The following FAF1 variants were observed in gnomAD, a reference collection of about 807,000 sequenced individuals.
FAF1 encodes FAS-associated factor 1.
Under a neutral mutation model 92.5 loss-of-function variants are expected in FAF1, and 25 were observed. The ratio of observed to expected loss-of-function variants is 0.27; its 90% CI spans 0.20 to 0.38. The LOEUF is 0.38. FAF1 is among the 10% of genes least tolerant of loss of function. The pLI is 1.00. For synonymous variants in FAF1, 234 were observed against 273.2 expected (o/e 0.86, Z 1.42); for missense variants, 636 against 793.3 (o/e 0.80, Z 2.38).
chr1:50,809,490 CTA>C (rs1662338422), intron 2 of FAF1, among the ~76,000 whole-genome samples: 1 of 152,056 alleles, frequency 6.6e-6, no homozygotes, highest in South Asian at 2.1e-4. Context: ...GAACATCTCT[CTA>C]TGCACAAAGG....
At chr1:50,922,429 A>C (rs1255490441) in intron 1 of FAF1, among the ~76,000 whole-genome samples, 1 of 124,472 alleles carries the variant, frequency 8.0e-6, no homozygotes, top group Non-Finnish European at 1.6e-5. Flanking sequence ...ATTGCACTCC[A>C]GCCTGGGTGA....
chr1:50,894,062 G>C (rs1019165529), intron 1 of FAF1, among the ~76,000 whole-genome samples: 1 of 152,048 alleles, frequency 6.6e-6, no homozygotes, highest in Non-Finnish European at 1.5e-5. Context: ...ACTTTGAGAG[G>C]CCAAGGTGGG....
chr1:50,706,312 T>C (rs1041096064), intron 6 of FAF1, among the ~76,000 whole-genome samples: 1 of 152,132 alleles, frequency 6.6e-6, no homozygotes, highest in Non-Finnish European at 1.5e-5. Context: ...CTATTATTTA[T>C]ATTCATGAAT....
chr1:50,507,137 C>T (rs1299516376), intron 15 of FAF1, among the ~76,000 whole-genome samples: 2 of 152,124 alleles, frequency 1.3e-5, no homozygotes, highest in Non-Finnish European at 2.9e-5. Flanking sequence ...GGACACAGGG[C>T]AGGGCACTTA....
At position 50,437,158 on chromosome 1, in the gene FAF1, T is replaced by C. The variant is rs1441443573; in HGVS notation, c.*4282A>G. 6.6e-6 allele frequency: 1 copy of C among 152,200 alleles called. No homozygotes were observed. The highest frequency in any genetic ancestry group is 2.1e-4 in the South Asian group (1 of 4,836). The allele number at this position is 152,200 out of a possible 1,614,324, so 9.4% of individuals were successfully genotyped here. On this transcript the variant is annotated 3_prime_UTR_variant, in exon 19 of 19. Transcript: ENST00000396153. ...CAGATTATTTGAGACAAGGACAAAA[T>C]ACTAAATGCAGAGATATTCAAGGCA...
At chr1:50,672,332 C>A (rs1400127357) in intron 7 of FAF1, among the ~76,000 whole-genome samples, 2 of 152,058 alleles carry the variant, frequency 1.3e-5, no homozygotes, top group South Asian at 4.1e-4. Context: ...TGAGCCACCG[C>A]GCCCCAGCCA....
In FAF1 at chr1:50,857,929, C is replaced by T; in HGVS notation, c.114G>A (p.Val38=). 1 of 1,580,930 alleles carries T rather than the reference C, an allele frequency of 6.3e-7. No homozygotes were observed. The highest frequency in any genetic ancestry group is 8.6e-7 in the Non-Finnish European group (1 of 1,161,084). The change falls in exon 2 of 19, where the codon GTG becomes GTA. Residue 38 remains valine, a splice_region_variant and synonymous_variant. Transcript: ENST00000396153. ...ATCAGAGAAAGAAAAAAGTACTTAC[C>T]ACTAAGTCCCAATTATTTTGTTCAA... The part of the protein sequence containing the change: ...TLLEQNNWDL[V]AAINGVIPQE...
At chr1:50,645,549 C>T (rs772143112) in intron 8 of FAF1, among the ~76,000 whole-genome samples, 6 of 152,116 alleles carry the variant, frequency 3.9e-5, no homozygotes, top group African/African-American at 9.7e-5. Flanking sequence ...TGTGGCCAGG[C>T]GCTATGGCTC....
chr1:50,655,489 G>A lies in FAF1; in HGVS notation c.697C>T (p.Arg233Cys), dbSNP rs1186559190. ...NVYDLTSIPVRHQLWEGWPTS... is the reference protein window; with the variant it reads ...NVYDLTSIPVCHQLWEGWPTS... Reference sequence around the variant, plus strand: ...GGCCAGCCCTCCCATAATTGGTGGCGAACGGGGATACTTGTAAGGTCATAC... The same window carrying A: ...GGCCAGCCCTCCCATAATTGGTGGCAAACGGGGATACTTGTAAGGTCATAC... Residue 233 changes from arginine (R) to cysteine (C), a missense_variant, in exon 8 of 19, where the codon CGC becomes TGC. Arg to Cys is a radical substitution (Grantham distance 180). This residue lies in a region of FAF1 where 317 missense variants were observed against 342.4 expected (regional missense o/e 0.93). Transcript: ENST00000396153. 2.5e-6 allele frequency: 4 copies of A among 1,613,246 alleles called. No individual in the cohort carries two copies. The highest frequency in any genetic ancestry group is 3.3e-5 in the Admixed American group (2 of 59,994).
intron 13 of FAF1, among the ~76,000 whole-genome samples, chr1:50,542,586 A>C (rs1029725039): frequency 6.6e-6 from 1 of 152,220 alleles, no homozygotes; most frequent in Non-Finnish European, 1.5e-5. Flanking sequence ...AAAGTTGTCA[A>C]CCCAACTGCA....
intron 8 of FAF1, among the ~76,000 whole-genome samples, chr1:50,630,140 C>A (rs1488041019): frequency 6.6e-6 from 1 of 151,782 alleles, no homozygotes; most frequent in Admixed American, 6.6e-5. Context: ...GTTCCTGTTA[C>A]TAATTATTTA....
At chr1:50,594,934 C>T (rs1023254783) in intron 9 of FAF1, among the ~76,000 whole-genome samples, 3 of 151,224 alleles carry the variant, frequency 2.0e-5, no homozygotes, top group African/African-American at 7.3e-5. Flanking sequence ...CAAATAGGCA[C>T]AACACACAAA....
At chr1:50,778,103 G>A (rs1661029886) in intron 4 of FAF1, among the ~76,000 whole-genome samples, 1 of 152,138 alleles carries the variant, frequency 6.6e-6, no homozygotes, top group African/African-American at 2.4e-5. Flanking sequence ...ATTCTACATA[G>A]CAATTAGAAT....
At chr1:50,628,531 C>G (rs978646793) in intron 8 of FAF1, among the ~76,000 whole-genome samples, 5 of 152,128 alleles carry the variant, frequency 3.3e-5, no homozygotes, top group African/African-American at 9.7e-5. Flanking sequence ...TTTTATGGAT[C>G]AATTAGTAAA....
chr1:50,957,138 G>T (rs959800688), intron 1 of FAF1, among the ~76,000 whole-genome samples: 1 of 152,078 alleles, frequency 6.6e-6, no homozygotes, highest in African/African-American at 2.4e-5. Flanking sequence ...TGTGTTTAAG[G>T]TGTGTAGTTT....
chr1:50,668,623 G>A (rs1394133166), intron 7 of FAF1, among the ~76,000 whole-genome samples: 1 of 152,172 alleles, frequency 6.6e-6, no homozygotes, highest in Non-Finnish European at 1.5e-5. Context: ...CAAATGAATT[G>A]ACACTATGAA....
chr1:50,626,745 G>T (rs2124194214), intron 8 of FAF1, among the ~76,000 whole-genome samples: 1 of 152,240 alleles, frequency 6.6e-6, no homozygotes, highest in East Asian at 1.9e-4. Flanking sequence ...AGTACGGAGA[G>T]TTGATTGAGG....
chr1:50,661,350 A>G (rs1351613848), intron 7 of FAF1, among the ~76,000 whole-genome samples: 2 of 152,130 alleles, frequency 1.3e-5, no homozygotes, highest in East Asian at 1.9e-4. Context: ...CAACATTTAA[A>G]ATTTTTTGAA....
chr1:50,916,758 T>A (rs796245909), intron 1 of FAF1, among the ~76,000 whole-genome samples: 14 of 152,318 alleles, frequency 9.2e-5, no homozygotes, highest in African/African-American at 3.4e-4. Flanking sequence ...GAAGTTTTAA[T>A]AATCAAATGC....
Sources: allele counts gnomAD v4.1 joint callset (sites outside exome capture counted in the v4.1 genomes callset), GRCh38; gene constraint gnomAD v4.1.1; regional missense constraint gnomAD v4.1.1; transcripts MANE v1.5; gene names NCBI Gene and HGNC (gene_info 2026-07-23, HGNC 2026-07-21).